Variants in EPHB2 observed in about 807,000 individuals in gnomAD.
EPHB2 encodes EPH receptor B2.
A neutral mutation model predicts 96.4 loss-of-function variants in EPHB2; 18 were observed. That is an observed-to-expected ratio of 0.19 (90% confidence interval 0.13 to 0.28). The LOEUF (loss-of-function observed/expected upper bound fraction) is 0.28, where lower values mean the gene tolerates loss of function less well. Among genes scored for constraint, EPHB2 ranks in the 10% least tolerant of loss-of-function variants. The pLI, the probability that EPHB2 is intolerant of heterozygous loss-of-function variation, is 1.00. For synonymous variants in EPHB2, 506 were observed against 534.1 expected, an observed-to-expected ratio of 0.95 and a Z score of 0.72; for missense variants, 989 against 1,355.4, an observed-to-expected ratio of 0.73 and a Z score of 4.25.
chr1:22,865,252 C>T (rs911039854), intron 5 of EPHB2, 40 bp downstream of exon 5: 16 of 1,610,114 alleles, frequency 9.9e-6, no homozygotes, highest in Admixed American at 3.3e-5. Flanking sequence ...TGCCCCATCG[C>T]GCTGTGCCAG....
rs546074974 is a variant in EPHB2 at position 22,724,841 on chromosome 1, GT to G, written c.61+13802del. Among the ~76,000 whole-genome samples, 29 of 152,306 alleles carry G rather than the reference GT, an allele frequency of 1.9e-4. No homozygotes were observed. In the South Asian group the frequency reaches 5.8e-3, roughly 30 times the overall value. ...CCCAGGGATCACAGCTAACCAAGTA[GT>G]TTTGAGGACTCAAGGCTTTGGGCTC... is the stretch of plus-strand genomic sequence containing the variant. On this transcript the variant is annotated intron_variant, in intron 1 of 15. Transcript: ENST00000374630.
intron 1 of EPHB2, among the ~76,000 whole-genome samples, chr1:22,737,917 G>A (rs1156586616): frequency 6.6e-6 from 1 of 152,220 alleles, no homozygotes; most frequent in Non-Finnish European, 1.5e-5. Flanking sequence ...TGCACAGGCT[G>A]TTCAGATGCC....
chr1:22,903,850 T>C (rs1404294860), intron 9 of EPHB2, among the ~76,000 whole-genome samples: 2 of 151,966 alleles, frequency 1.3e-5, no homozygotes, highest in African/African-American at 2.4e-5. Flanking sequence ...AAAAAAAACA[T>C]GTGTCCATTT....
intron 3 of EPHB2, among the ~76,000 whole-genome samples, chr1:22,806,504 C>CGGACGGACGGAT (rs1463257366): frequency 6.7e-6 from 1 of 148,600 alleles, no homozygotes; most frequent in African/African-American, 2.6e-5. Flanking sequence ...GACGGACGGA[C>CGGACGGACGGAT]GGATGGATGG....
chr1:22,768,395 C>T (rs1644334210), intron 1 of EPHB2, among the ~76,000 whole-genome samples: 1 of 152,178 alleles, frequency 6.6e-6, no homozygotes, highest in African/African-American at 2.4e-5. Flanking sequence ...GTATTCAAGA[C>T]TCTTTGTGAG....
intron 3 of EPHB2, among the ~76,000 whole-genome samples, chr1:22,811,450 A>C (rs893347484): frequency 1.3e-5 from 2 of 151,920 alleles, no homozygotes; most frequent in Middle Eastern, 3.4e-3. Context: ...CTTCTCTTTC[A>C]CTCTCAGGAT....
At position 22,846,730 on chromosome 1, in the gene EPHB2, G is replaced by C. The variant is rs776927781; in HGVS notation, c.812-16307G>C. On this transcript the variant is annotated intron_variant, in intron 3 of 15. Transcript: ENST00000374630. This position sits in a 1 kb window ranked among gnomAD's most constrained non-coding sequence, Gnocchi z 4.3. ...CCACGCTGCTCCCTCAGCCTCGCAT[G>C]CTTCTCCTTTCTTGCTTTTGTCTTG... 3.9e-5 allele frequency among the ~76,000 whole-genome samples: 6 copies of C among 152,184 alleles called. No homozygotes were observed. The highest frequency in any genetic ancestry group is 7.3e-5 in the Non-Finnish European group (5 of 68,042).
At chr1:22,889,496 T>C (rs1639326267) in intron 6 of EPHB2, among the ~76,000 whole-genome samples, 1 of 152,226 alleles carries the variant, frequency 6.6e-6, no homozygotes, top group African/African-American at 2.4e-5. Flanking sequence ...CAATAATTAG[T>C]GAACACTTAC....
chr1:22,895,016 A>G (rs988674912), intron 7 of EPHB2, among the ~76,000 whole-genome samples: 2 of 152,224 alleles, frequency 1.3e-5, no homozygotes, highest in African/African-American at 2.4e-5. Context: ...CATTTTACAG[A>G]TAAGGCAACT....
At position 22,895,590 on chromosome 1, in the gene EPHB2, G is replaced by T. The variant is rs374837404; in HGVS notation, c.1700+10G>T. Reference sequence around the variant, plus strand: ...CCATCGTGTGTAACAGGTGGGTGGGGTCTCCAGGCTTGGCCAGGCCTGGCT... The same window carrying T: ...CCATCGTGTGTAACAGGTGGGTGGGTTCTCCAGGCTTGGCCAGGCCTGGCT... On this transcript the variant is annotated intron_variant, in intron 8 of 15. Coordinates refer to ENST00000374630, the MANE Select transcript of EPHB2 (RefSeq NM_017449.5). 9 of 1,613,806 alleles carry T rather than the reference G, an allele frequency of 5.6e-6. No individual in the cohort carries two copies. In the African/African-American group the frequency reaches 1.1e-4, roughly 19 times the overall value.
At chr1:22,867,820 T>G (rs1298001722) in intron 5 of EPHB2, among the ~76,000 whole-genome samples, 1 of 152,054 alleles carries the variant, frequency 6.6e-6, no homozygotes, top group Non-Finnish European at 1.5e-5. Flanking sequence ...TGCAATGAGC[T>G]GAGATCGTGC....
intron 3 of EPHB2, among the ~76,000 whole-genome samples, chr1:22,804,678 T>A (rs1570309979): frequency 6.7e-6 from 1 of 148,226 alleles, no homozygotes; most frequent in African/African-American, 2.5e-5. Flanking sequence ...CTCTTTCCCA[T>A]CCCACACCCT....
chr1:22,871,853 T>C (rs1006997799), intron 5 of EPHB2, among the ~76,000 whole-genome samples: 1 of 151,962 alleles, frequency 6.6e-6, no homozygotes, highest in Non-Finnish European at 1.5e-5. Context: ...CCATCTCTAC[T>C]AAAATTACAA....
In EPHB2 at chr1:22,917,044, C is replaced by A. The variant is rs559267066; in HGVS notation, c.*3474C>A. Reference sequence around the variant, plus strand: ...GACCAGAGGCCTCAGAGCAGGGACCCGGGTGGCGGGGCAGTAGGAGACACT... The same window carrying A: ...GACCAGAGGCCTCAGAGCAGGGACCAGGGTGGCGGGGCAGTAGGAGACACT... On this transcript the variant is annotated 3_prime_UTR_variant, in exon 16 of 16. Coordinates refer to ENST00000374630, the MANE Select transcript of EPHB2 (RefSeq NM_017449.5). The A allele has an allele frequency of 1.9e-3, 285 of 152,428 alleles. 2 individuals carry two copies. Among genetic ancestry groups the A allele is most frequent in the Non-Finnish European group, 3.0e-3 (203 of 68,148 alleles). 9.4% of individuals were successfully genotyped at this position (152,428 alleles called of 1,614,324 possible).
chr1:22,856,388 G>A (rs1310027424), intron 3 of EPHB2, among the ~76,000 whole-genome samples: 1 of 152,202 alleles, frequency 6.6e-6, no homozygotes, highest in Non-Finnish European at 1.5e-5. Context: ...TGGGTTGCCT[G>A]GCCAAGGGCT....
chr1:22,739,161 T>C (rs1643874178), intron 1 of EPHB2, among the ~76,000 whole-genome samples: 1 of 152,094 alleles, frequency 6.6e-6, no homozygotes, highest in Non-Finnish European at 1.5e-5. Context: ...TATCTTGGCC[T>C]CTCCAAGTAT....
intron 3 of EPHB2, among the ~76,000 whole-genome samples, chr1:22,856,587 C>T (rs1020222522): frequency 2.6e-5 from 4 of 152,196 alleles, no homozygotes; most frequent in African/African-American, 9.7e-5. Context: ...AGTATTTGGA[C>T]ACAAGCTGTT....
intron 1 of EPHB2, among the ~76,000 whole-genome samples, chr1:22,728,724 G>A (rs1424760806): frequency 6.6e-6 from 1 of 152,188 alleles, no homozygotes; most frequent in Non-Finnish European, 1.5e-5. Flanking sequence ...ACAACTCTAA[G>A]GCCCGTTGTC....
intron 9 of EPHB2, among the ~76,000 whole-genome samples, chr1:22,904,944 C>G (rs1046850647): frequency 1.3e-5 from 2 of 152,220 alleles, no homozygotes; most frequent in Non-Finnish European, 2.9e-5. Flanking sequence ...CTGCCAACTC[C>G]TAGAACTTCT....
Sources: gnomAD v4.1 joint callset for allele counts (sites outside exome capture counted in the v4.1 genomes callset) on GRCh38, gnomAD v4.1.1 for gene constraint, Gnocchi (gnomAD v3.1) non-coding constraint, MANE v1.5 for transcripts, NCBI Gene and HGNC (gene_info 2026-07-23, HGNC 2026-07-21) for gene names.